RANBP2: variants seen among roughly 807,000 people sequenced by gnomAD.
RANBP2 encodes the protein RAN binding protein 2, also known as E3 SUMO-protein ligase RanBP2.
In RANBP2, 57 loss-of-function variants were observed where a neutral mutation model predicts 303.6. The ratio of observed to expected loss-of-function variants is 0.19; its 90% CI spans 0.15 to 0.23. The LOEUF is 0.23. Among genes scored for constraint, RANBP2 ranks in the 10% least tolerant of loss-of-function variants. The pLI, the probability that RANBP2 is intolerant of heterozygous loss-of-function variation, is 1.00. For synonymous variants in RANBP2, 1,167 were observed against 1,301.5 expected (o/e 0.90, Z 2.23); for missense variants, 3,138 against 3,780.8 (o/e 0.83, Z 4.46).
At chr2:109,192,174 G>C in the RANBP2 span, among the ~76,000 whole-genome samples, 1 of 152,114 alleles carries the variant, frequency 6.6e-6, no homozygotes. Context: ...TTCTACATAT[G>C]GCACTAACTC....
chr2:109,342,759 G>A, the RANBP2 span, among the ~76,000 whole-genome samples: 6 of 152,144 alleles, frequency 3.9e-5, no homozygotes, highest in Admixed American at 2.6e-4. Flanking sequence ...CGGAGATGGC[G>A]CCGTTGTGCC....
the RANBP2 span, chr2:109,449,265 C>A: frequency 7.4e-6 from 12 of 1,612,466 alleles, no homozygotes; most frequent in Non-Finnish European, 1.0e-5. Context: ...TGCCACCAGC[C>A]TCAGGCCCCA....
chr2:109,583,270 A>G, the RANBP2 span, among the ~76,000 whole-genome samples: 5 of 152,316 alleles, frequency 3.3e-5, no homozygotes, highest in Non-Finnish European at 5.9e-5. Context: ...CTATGCATCC[A>G]ACAATAGTCT....
the RANBP2 span, chr2:109,124,436 A>C: frequency 1.3e-5 from 2 of 152,232 alleles, no homozygotes; most frequent in East Asian, 3.8e-4. Flanking sequence ...GGCCTCCCAA[A>C]GTTCTGGGAT....
the RANBP2 span, among the ~76,000 whole-genome samples, chr2:109,157,945 A>T: frequency 6.6e-6 from 1 of 152,178 alleles, no homozygotes. Flanking sequence ...ATACAAATCC[A>T]CTGTTTAGTG....
the RANBP2 span, among the ~76,000 whole-genome samples, chr2:109,526,085 G>C: frequency 6.6e-6 from 1 of 152,112 alleles, no homozygotes; most frequent in Non-Finnish European, 1.5e-5. Flanking sequence ...CACGCCCACA[G>C]GTGACCAGGA....
chr2:108,768,152 G>T lies in RANBP2; in HGVS notation c.7613G>T (p.Ser2538Ile). Residue 2538 changes from serine (S) to isoleucine (I), a missense_variant, in exon 20 of 29, where the codon AGT (serine) becomes ATT (isoleucine). This residue lies in a region of RANBP2 where 497 missense variants were observed against 465.8 expected (regional missense o/e 1.07). Transcript: ENST00000283195. Reference sequence around the variant, plus strand: ...TCAAAACCATTTGCATTCGGCAACAGTTCAGCCACTGGGTCTTTGTTTGGA... The same window carrying T: ...TCAAAACCATTTGCATTCGGCAACATTTCAGCCACTGGGTCTTTGTTTGGA... ...EKSKPFAFGN[S>I]SATGSLFGFS... is the part of the protein sequence containing the mutation. 3.1e-6 allele frequency: 5 copies of T among 1,612,070 alleles called. No homozygotes were observed. Among genetic ancestry groups the T allele is most frequent in the Non-Finnish European group, 4.2e-6 (5 of 1,179,872 alleles).
the RANBP2 span, among the ~76,000 whole-genome samples, chr2:109,740,545 C>A: frequency 6.6e-6 from 1 of 152,186 alleles, no homozygotes; most frequent in Non-Finnish European, 1.5e-5. Flanking sequence ...ATGAAATATT[C>A]CCCAAGGTAG....
chr2:109,513,889 C>T, the RANBP2 span, among the ~76,000 whole-genome samples: 8 of 149,636 alleles, frequency 5.3e-5, no homozygotes, highest in Admixed American at 1.3e-4. Flanking sequence ...ACTTCAGCTA[C>T]CCCAGGGGGA....
the RANBP2 span, among the ~76,000 whole-genome samples, chr2:109,626,258 T>A: frequency 3.3e-5 from 5 of 151,500 alleles, no homozygotes; most frequent in African/African-American, 1.2e-4. Context: ...GGTGGGTGGA[T>A]CATTTGAGGT....
chr2:109,179,771 A>G, the RANBP2 span, among the ~76,000 whole-genome samples: 1 of 152,198 alleles, frequency 6.6e-6, no homozygotes, highest in South Asian at 2.1e-4. Flanking sequence ...TGCCATCAAC[A>G]TATGAATTTG....
chr2:109,155,299 C>T, the RANBP2 span, among the ~76,000 whole-genome samples: 1 of 152,042 alleles, frequency 6.6e-6, no homozygotes, highest in Non-Finnish European at 1.5e-5. Flanking sequence ...GAAGTTGGAT[C>T]TTTGTTTTGT....
the RANBP2 span, among the ~76,000 whole-genome samples, chr2:109,468,859 A>AAAAAAG: frequency 6.6e-6 from 1 of 150,446 alleles, no homozygotes; most frequent in Non-Finnish European, 1.5e-5. Context: ...GTCTCAGAAA[A>AAAAAAG]AAAAAAAAAA....
At chr2:109,122,909 C>T in the RANBP2 span, among the ~76,000 whole-genome samples, 2 of 152,174 alleles carry the variant, frequency 1.3e-5, no homozygotes, top group Admixed American at 6.5e-5. Context: ...AAAGCCCAAA[C>T]CAAACAATAA....
At chr2:108,990,669 G>A in the RANBP2 span, among the ~76,000 whole-genome samples, 2 of 152,152 alleles carry the variant, frequency 1.3e-5, no homozygotes, top group Non-Finnish European at 2.9e-5. Context: ...AGACTGTAAA[G>A]GACTAATTCT....
chr2:109,226,248 A>AT, the RANBP2 span, among the ~76,000 whole-genome samples: 7 of 152,074 alleles, frequency 4.6e-5, no homozygotes, highest in South Asian at 2.1e-4. Flanking sequence ...CTCCTTTTAC[A>AT]TTTTTTTTGT....
At chr2:109,554,390 T>G in the RANBP2 span, among the ~76,000 whole-genome samples, 1 of 152,224 alleles carries the variant, frequency 6.6e-6, no homozygotes, top group Non-Finnish European at 1.5e-5. Context: ...CAATAATATG[T>G]ATTCATTCAT....
chr2:109,350,787 G>A, the RANBP2 span, among the ~76,000 whole-genome samples: 8 of 152,356 alleles, frequency 5.3e-5, no homozygotes, highest in African/African-American at 1.2e-4. Context: ...GTGCTGCAGC[G>A]TAGGTGCTGG....
chr2:109,760,888 G>A, the RANBP2 span, among the ~76,000 whole-genome samples: 1 of 133,710 alleles, frequency 7.5e-6, no homozygotes, highest in South Asian at 2.6e-4. Flanking sequence ...TGGGGGTGGG[G>A]TGGGTCGGGG....
Sources: gnomAD v4.1 joint callset for allele counts (sites outside exome capture counted in the v4.1 genomes callset) on GRCh38, gnomAD v4.1.1 for gene constraint, gnomAD v4.1.1 regional missense constraint, MANE v1.5 for transcripts, NCBI Gene and HGNC (gene_info 2026-07-23, HGNC 2026-07-21) for gene names.